Variants in ARMH4 observed in about 807,000 individuals in gnomAD.
ARMH4 encodes the protein armadillo-like helical domain-containing protein 4.
Under a neutral mutation model 61.9 loss-of-function variants are expected in ARMH4, and 49 were observed. That is an observed-to-expected ratio of 0.79 (90% CI 0.63 to 1.00). The LOEUF (loss-of-function observed/expected upper bound fraction) is 1.00. Ranked by LOEUF, ARMH4 falls within the 50% of genes least tolerant of loss-of-function variation. The pLI, the probability that ARMH4 is intolerant of heterozygous loss-of-function variation, is 0.00. For synonymous variants in ARMH4, 368 were observed against 341.5 expected, an observed-to-expected ratio of 1.08 and a Z score of -0.85; for missense variants, 934 against 930.0, an observed-to-expected ratio of 1.00 and a Z score of -0.06.
chr14:58,063,391 A>G (rs993410401), intron 5 of ARMH4, among the ~76,000 whole-genome samples: 1 of 152,196 alleles, frequency 6.6e-6, no homozygotes, highest in Non-Finnish European at 1.5e-5. Flanking sequence ...TAGGACTTCA[A>G]CGTATCTTCT....
At chr14:58,060,345 CCTACA>C (rs1431281709) in intron 5 of ARMH4, among the ~76,000 whole-genome samples, 1 of 152,170 alleles carries the variant, frequency 6.6e-6, no homozygotes, top group African/African-American at 2.4e-5. Flanking sequence ...TTCGTACTCC[CCTACA>C]CTAATTTCCC....
intron 5 of ARMH4, among the ~76,000 whole-genome samples, chr14:58,059,275 G>A (rs1366110575): frequency 1.3e-5 from 2 of 152,258 alleles, no homozygotes; most frequent in African/African-American, 4.8e-5. Flanking sequence ...CCCTTCGGGT[G>A]TTGTATGTTT....
chr14:58,031,441 T>A (rs1303727409), intron 5 of ARMH4, among the ~76,000 whole-genome samples: 1 of 152,208 alleles, frequency 6.6e-6, no homozygotes, highest in Non-Finnish European at 1.5e-5. Flanking sequence ...ACATTATTAA[T>A]GATAAGTTTA....
At chr14:58,119,151 T>C (rs1028084117) in intron 4 of ARMH4, among the ~76,000 whole-genome samples, 2 of 152,214 alleles carry the variant, frequency 1.3e-5, no homozygotes, top group Non-Finnish European at 2.9e-5. Context: ...CTTCCAAGTG[T>C]GATAATTTTT....
chr14:58,088,087 C>T (rs944130344), intron 5 of ARMH4, among the ~76,000 whole-genome samples: 3 of 152,088 alleles, frequency 2.0e-5, no homozygotes, highest in Admixed American at 1.3e-4. Context: ...TATTTATAAC[C>T]TACGTCATGC....
intron 5 of ARMH4, among the ~76,000 whole-genome samples, chr14:58,052,492 G>A (rs2141202131): frequency 6.6e-6 from 1 of 152,110 alleles, no homozygotes; most frequent in Middle Eastern, 3.4e-3. Flanking sequence ...GTCCGTTTGT[G>A]TTGGTTTGCC....
intron 5 of ARMH4, among the ~76,000 whole-genome samples, chr14:58,090,571 CCT>C (rs1315243046): frequency 6.6e-6 from 1 of 152,000 alleles, no homozygotes; most frequent in Non-Finnish European, 1.5e-5. Context: ...CGAAAGGCTG[CCT>C]CTCTCTTAAG....
chr14:58,016,880 T>C (rs371728879), intron 5 of ARMH4, among the ~76,000 whole-genome samples: 1 of 152,200 alleles, frequency 6.6e-6, no homozygotes, highest in East Asian at 1.9e-4. Flanking sequence ...TTATACTCAA[T>C]GGTAAAAAGC....
At chr14:58,082,425 C>G (rs1885257854) in intron 5 of ARMH4, among the ~76,000 whole-genome samples, 1 of 152,106 alleles carries the variant, frequency 6.6e-6, no homozygotes, top group South Asian at 2.1e-4. Flanking sequence ...ATAGATCTAT[C>G]CTATGAGTGA....
chr14:58,104,609 C>T lies in ARMH4; in HGVS notation c.1832-7628G>A, dbSNP rs143590767. Among the ~76,000 whole-genome samples the T allele has an allele frequency of 9.1e-3, 1,385 of 152,268 alleles. 25 individuals are homozygous for T. Among genetic ancestry groups the T allele is most frequent in the African/African-American group, 0.032 (1,312 of 41,560 alleles). ...CATTTTTAGTTGTATGTCACCTATACCCTGCTTCAATTACCAATAGAACCT... is the reference window on the plus strand; with the variant it reads ...CATTTTTAGTTGTATGTCACCTATATCCTGCTTCAATTACCAATAGAACCT... On this transcript the variant is annotated intron_variant, in intron 4 of 7. Transcript: ENST00000267485.
chr14:58,024,256 T>C (rs1370393179), intron 5 of ARMH4, among the ~76,000 whole-genome samples: 1 of 152,242 alleles, frequency 6.6e-6, no homozygotes, highest in Admixed American at 6.5e-5. Flanking sequence ...CCTTCATCAA[T>C]GATCTTAGCT....
chr14:58,133,430 G>A, intron 2 of ARMH4, 89 bp from the exon 3 acceptor site: 2 of 1,286,488 alleles, frequency 1.6e-6, no homozygotes, highest in East Asian at 2.4e-5. Flanking sequence ...CTTGGGGGGA[G>A]GGGAGCAGAT....
At chr14:58,087,420 T>A (rs970215781) in intron 5 of ARMH4, among the ~76,000 whole-genome samples, 6 of 152,184 alleles carry the variant, frequency 3.9e-5, no homozygotes, top group African/African-American at 1.2e-4. Context: ...GCTCTGGACA[T>A]ACTAAATTCT....
At chr14:58,027,770 T>A (rs1293113285) in intron 5 of ARMH4, among the ~76,000 whole-genome samples, 3 of 152,206 alleles carry the variant, frequency 2.0e-5, no homozygotes, top group Non-Finnish European at 4.4e-5. Flanking sequence ...GATATGTTTA[T>A]GGCTTTGGTG....
chr14:58,112,420 G>C lies in ARMH4; in HGVS notation c.1832-15439C>G, dbSNP rs563686593. ...TACCACGCATATTTAACTAACCAAA[G>C]ACTGAACTTAATCACTATCTTATCA... On this transcript the variant is annotated intron_variant, in intron 4 of 7. Transcript: ENST00000267485. Among the ~76,000 whole-genome samples, 47 of 151,038 alleles carry C rather than the reference G, an allele frequency of 3.1e-4. 1 individual carries two copies. The South Asian group carries it at 7.7e-3, about 25-fold the overall frequency.
intron 2 of ARMH4, among the ~76,000 whole-genome samples, chr14:58,136,987 T>C (rs1329960885): frequency 6.6e-6 from 1 of 152,218 alleles, no homozygotes; most frequent in Non-Finnish European, 1.5e-5. Context: ...CCTAAAGCTT[T>C]TTTTGTAAGA....
chr14:58,025,643 C>A (rs560031767), intron 5 of ARMH4, among the ~76,000 whole-genome samples: 1 of 152,134 alleles, frequency 6.6e-6, no homozygotes, highest in East Asian at 1.9e-4. Context: ...AATGTTTTTT[C>A]CAACTTATAT....
chr14:58,116,403 A>T, intron 4 of ARMH4: 1 of 399,698 alleles, frequency 2.5e-6, no homozygotes, highest in Non-Finnish European at 5.2e-6. Flanking sequence ...GGCTGGGTGC[A>T]GGAGTTCACA....
chr14:58,079,027 C>T (rs1179400857), intron 5 of ARMH4, among the ~76,000 whole-genome samples: 1 of 152,190 alleles, frequency 6.6e-6, no homozygotes, highest in African/African-American at 2.4e-5. Context: ...GAATATGATG[C>T]TTGGGAATGT....
Sources: allele counts gnomAD v4.1 joint callset (sites outside exome capture counted in the v4.1 genomes callset), GRCh38; gene constraint gnomAD v4.1.1; transcripts MANE v1.5; gene names NCBI Gene and HGNC (gene_info 2026-07-23, HGNC 2026-07-21).